Variants in NECTIN3 observed in about 807,000 individuals in gnomAD.
The protein encoded by NECTIN3 is nectin-3.
NECTIN3 carries 8 observed loss-of-function variants against 49.4 expected under a neutral mutation model. That is an observed-to-expected ratio of 0.16 (90% CI 0.10 to 0.29). NECTIN3 has a LOEUF of 0.29. Among genes scored for constraint, NECTIN3 ranks in the 10% least tolerant of loss-of-function variants. The probability of loss-of-function intolerance (pLI) is 1.00; values close to 1 mark genes in which losing one functional copy is unlikely to be tolerated. For missense variants in NECTIN3, 581 were observed against 654.6 expected (o/e 0.89, Z 1.23); for synonymous variants, 277 against 241.1 (o/e 1.15, Z -1.38).
At chr3:111,181,153 T>A (rs1267357278) in intron 7 of NECTIN3, among the ~76,000 whole-genome samples, 2 of 152,206 alleles carry the variant, frequency 1.3e-5, no homozygotes, top group Non-Finnish European at 2.9e-5. Flanking sequence ...CTGGCAACCA[T>A]TGTTGTGATT....
At chr3:111,110,127 A>G (rs2033390992) in intron 1 of NECTIN3, among the ~76,000 whole-genome samples, 1 of 151,990 alleles carries the variant, frequency 6.6e-6, no homozygotes, top group Admixed American at 6.6e-5. Flanking sequence ...TGGATTTTGC[A>G]GGTAATAGAT....
chr3:111,167,608 A>T (rs1234811438), intron 7 of NECTIN3, among the ~76,000 whole-genome samples: 1 of 152,210 alleles, frequency 6.6e-6, no homozygotes, highest in Admixed American at 6.5e-5. Context: ...GTTGATGAAG[A>T]TGGTGAAAAT....
intron 1 of NECTIN3, among the ~76,000 whole-genome samples, chr3:111,107,913 G>C (rs2033256374): frequency 6.6e-6 from 1 of 152,086 alleles, no homozygotes; most frequent in East Asian, 1.9e-4. Flanking sequence ...CAGAACTCTG[G>C]CTAATTAAAA....
chr3:111,120,283 C>A (rs574287663), intron 3 of NECTIN3, among the ~76,000 whole-genome samples: 3 of 151,362 alleles, frequency 2.0e-5, no homozygotes, highest in East Asian at 3.9e-4. Context: ...AGATATATTT[C>A]TTCTAATGTA....
chr3:111,077,285 G>A (rs1003424165), intron 1 of NECTIN3: 175 of 351,876 alleles, frequency 5.0e-4, no homozygotes, highest in Admixed American at 4.8e-3. Context: ...ATTGTGAGTA[G>A]ATATTCATAA....
chr3:111,104,558 G>A (rs529757449), intron 1 of NECTIN3, among the ~76,000 whole-genome samples: 1 of 151,886 alleles, frequency 6.6e-6, no homozygotes, highest in African/African-American at 2.4e-5. Context: ...GAGCTCAAAC[G>A]GTCCTCCTGC....
chr3:111,185,253 G>A (rs757311055), intron 7 of NECTIN3, among the ~76,000 whole-genome samples: 1 of 152,030 alleles, frequency 6.6e-6, no homozygotes, highest in Non-Finnish European at 1.5e-5. Flanking sequence ...TGCTCTTCTT[G>A]AATTTTTCTC....
At position 111,136,593 on chromosome 3, in the gene NECTIN3, TAA is replaced by T; in HGVS notation, c.*2380_*2381del. 5.4e-6 allele frequency: 5 copies of T among 928,768 alleles called. No homozygotes were observed. The highest frequency in any genetic ancestry group is 6.4e-6 in the Non-Finnish European group (5 of 778,468). The allele number at this position is 928,768 out of a possible 1,614,324, so 57.5% of individuals were successfully genotyped here. ...TTTGAAAACATGAATAGTCATTAAATAAAGACATTGTTAAATTAGTTTTTGAA... is the reference window on the plus strand; with the variant it reads ...TTTGAAAACATGAATAGTCATTAAATAGACATTGTTAAATTAGTTTTTGAA... On this transcript the variant is annotated 3_prime_UTR_variant, in exon 6 of 6. Transcript: ENST00000485303.
At chr3:111,085,348 A>G (rs750025866) in intron 1 of NECTIN3, among the ~76,000 whole-genome samples, 6 of 152,236 alleles carry the variant, frequency 3.9e-5, no homozygotes, top group Non-Finnish European at 7.3e-5. Context: ...TGCCAGTTAA[A>G]TGCAGCATTT....
chr3:111,118,452 A>G (rs961572092), intron 2 of NECTIN3, among the ~76,000 whole-genome samples: 2 of 151,504 alleles, frequency 1.3e-5, no homozygotes, highest in African/African-American at 4.8e-5. Flanking sequence ...TAGTGGTGGT[A>G]TGAATTCCTG....
chr3:111,080,145 C>G (rs1576067992), intron 1 of NECTIN3, among the ~76,000 whole-genome samples: 1 of 151,988 alleles, frequency 6.6e-6, no homozygotes, highest in South Asian at 2.1e-4. Context: ...TATTGACATT[C>G]TTTTCTGTAT....
intron 3 of NECTIN3, among the ~76,000 whole-genome samples, chr3:111,120,580 A>T (rs1214272592): frequency 6.6e-6 from 1 of 152,080 alleles, no homozygotes. Flanking sequence ...TTCTGAGATA[A>T]TAGTACCTTA....
intron 7 of NECTIN3, among the ~76,000 whole-genome samples, chr3:111,176,465 G>C (rs924607154): frequency 1.3e-5 from 2 of 152,042 alleles, no homozygotes; most frequent in African/African-American, 4.8e-5. Flanking sequence ...GTGTCTTTGT[G>C]GGGGGAAATG....
At chr3:111,096,659 CCCAGCCGCT>C (rs1340084812) in intron 1 of NECTIN3, among the ~76,000 whole-genome samples, 1 of 152,128 alleles carries the variant, frequency 6.6e-6, no homozygotes, top group Non-Finnish European at 1.5e-5. Flanking sequence ...TATACTGCGT[CCCAGCCGCT>C]CCAGCCGTGA....
At chr3:111,127,277 G>C (rs555859583) in intron 5 of NECTIN3, among the ~76,000 whole-genome samples, 10 of 152,206 alleles carry the variant, frequency 6.6e-5, no homozygotes, top group African/African-American at 2.4e-4. Flanking sequence ...CTCAGTCCTT[G>C]TGTGATCAGT....
chr3:111,180,803 T>A (rs1206408163), intron 7 of NECTIN3, among the ~76,000 whole-genome samples: 5 of 152,220 alleles, frequency 3.3e-5, no homozygotes, highest in African/African-American at 1.2e-4. Context: ...TGTTGTAAAG[T>A]ATTTATTAAG....
At chr3:111,113,538 A>G (rs1203213104) in intron 2 of NECTIN3, among the ~76,000 whole-genome samples, 1 of 152,162 alleles carries the variant, frequency 6.6e-6, no homozygotes, top group Admixed American at 6.6e-5. Context: ...ATATTCTTTT[A>G]ATTAGATATT....
At chr3:111,132,055 T>C (rs2034413776) in intron 5 of NECTIN3, among the ~76,000 whole-genome samples, 1 of 151,920 alleles carries the variant, frequency 6.6e-6, no homozygotes, top group African/African-American at 2.4e-5. Flanking sequence ...ATATTTTTAA[T>C]GTTCTAATGC....
At chr3:111,117,907 A>G (rs1331865144) in intron 2 of NECTIN3, among the ~76,000 whole-genome samples, 1 of 152,054 alleles carries the variant, frequency 6.6e-6, no homozygotes, top group Non-Finnish European at 1.5e-5. Context: ...ACTTTCTTAT[A>G]TTGGAAGAAA....
Sources: gnomAD v4.1 joint callset for allele counts (sites outside exome capture counted in the v4.1 genomes callset) on GRCh38, gnomAD v4.1.1 for gene constraint, MANE v1.5 for transcripts, NCBI Gene and HGNC (gene_info 2026-07-23, HGNC 2026-07-21) for gene names.